Variants in PPP1R16B observed in about 807,000 individuals in gnomAD.
PPP1R16B encodes the protein protein phosphatase 1 regulatory subunit 16B.
Under a neutral mutation model 61.7 loss-of-function variants are expected in PPP1R16B, and 14 were observed. The observed-to-expected ratio is 0.23, with a 90% CI of 0.15 to 0.35. PPP1R16B has a LOEUF of 0.35. PPP1R16B is among the 10% of genes least tolerant of loss of function. The pLI, the probability that PPP1R16B is intolerant of heterozygous loss-of-function variation, is 1.00. For synonymous variants in PPP1R16B, 266 were observed against 305.3 expected (o/e 0.87, Z 1.34); for missense variants, 547 against 752.5 (o/e 0.73, Z 3.19).
At chr20:38,910,754 T>C (rs529356747) in intron 10 of PPP1R16B, among the ~76,000 whole-genome samples, 1 of 151,940 alleles carries the variant, frequency 6.6e-6, no homozygotes, top group South Asian at 2.1e-4. Flanking sequence ...TCCCAGCACT[T>C]TGGGAGGCCG....
rs770981411 is a variant in PPP1R16B at position 38,908,131 on chromosome 20, C to T, written c.1132C>T (p.Arg378Trp). The change falls in exon 10 of 11, where the codon CGG (arginine) becomes TGG (tryptophan). Residue 378 changes from arginine (R) to tryptophan (W), a missense_variant. By Grantham distance (101) the Arg-to-Trp change is moderately radical (BLOSUM62 -3). Coordinates refer to ENST00000299824, the MANE Select transcript of PPP1R16B (RefSeq NM_015568.4). ...GCAGCGGAGTGCAGCTGAGGATCAG[C>T]GGACCTCCACCTACAACGGGGACAT... ...LWQRSAAEDQ[R>W]TSTYNGDIRE... The T allele has an allele frequency of 6.2e-6, 10 of 1,614,216 alleles. No homozygotes were observed. The highest frequency in any genetic ancestry group is 4.4e-5 in the South Asian group (4 of 91,088).
intron 2 of PPP1R16B, among the ~76,000 whole-genome samples, chr20:38,856,849 T>G (rs1330456755): frequency 6.6e-6 from 1 of 152,236 alleles, no homozygotes; most frequent in East Asian, 1.9e-4. Flanking sequence ...CTCTAAGCCT[T>G]ATGCCACAGT....
intron 2 of PPP1R16B, among the ~76,000 whole-genome samples, chr20:38,869,104 C>A (rs1197515525): frequency 6.6e-6 from 1 of 151,900 alleles, no homozygotes; most frequent in Non-Finnish European, 1.5e-5. Flanking sequence ...CTATTTTTTT[C>A]CTTTTTGTCT....
Position 38,806,862 on chromosome 20 carries a change from C to T in PPP1R16B, c.-102+1070C>T, listed in dbSNP as rs1187797494. Among the ~76,000 whole-genome samples, 3 of 152,214 alleles carry T rather than the reference C, an allele frequency of 2.0e-5. No homozygotes were observed. The highest frequency in any genetic ancestry group is 1.9e-4 in the East Asian group (1 of 5,174). ...CGCTGCCGCGCGCCAGGCCTGGGTC[C>T]CGGTGCTCCCGGGCACCTCAGGAGC... On this transcript the variant is annotated intron_variant, in intron 1 of 10. Transcript: ENST00000299824. The surrounding 1 kb of genome is among the most constrained non-coding windows in gnomAD (Gnocchi z 4.5).
In PPP1R16B at chr20:38,922,557, C is replaced by G. The variant is rs2085607985; in HGVS notation, c.*3891C>G. ...ATAGCCCTCTCCCCAACAGGTCTCT[C>G]TTGTTGGCCAGAGGGCCTGCTTCCC... On this transcript the variant is annotated 3_prime_UTR_variant, in exon 11 of 11. Coordinates refer to ENST00000299824, the MANE Select transcript of PPP1R16B (RefSeq NM_015568.4). 1.3e-5 allele frequency: 2 copies of G among 152,636 alleles called. No homozygotes were observed. Among genetic ancestry groups the G allele is most frequent in the Admixed American group, 1.3e-4 (2 of 15,290 alleles). 9.5% of individuals were successfully genotyped at this position (152,636 alleles called of 1,614,324 possible).
chr20:38,884,783 A>C (rs1397727394), intron 2 of PPP1R16B, among the ~76,000 whole-genome samples: 1 of 151,798 alleles, frequency 6.6e-6, no homozygotes, highest in African/African-American at 2.4e-5. Context: ...TAAAAAAAGA[A>C]GGCGGCGGAC....
intron 4 of PPP1R16B, among the ~76,000 whole-genome samples, chr20:38,897,436 C>T (rs2085358611): frequency 6.6e-6 from 1 of 152,218 alleles, no homozygotes; most frequent in Admixed American, 6.5e-5. Context: ...GTCAGAGTTT[C>T]CTTCCTTTTT....
chr20:38,827,588 G>A (rs1412373365), intron 1 of PPP1R16B, among the ~76,000 whole-genome samples: 1 of 152,116 alleles, frequency 6.6e-6, no homozygotes, highest in African/African-American at 2.4e-5. Flanking sequence ...TGAGTTTCAC[G>A]ACTGATTTAA....
At position 38,856,936 on chromosome 20, in the gene PPP1R16B, A is replaced by G. The variant is rs923466741; in HGVS notation, c.250+20761A>G. ...ATTCACTATTTAACAGCACTTAACA[A>G]GGTCTGGTTTGGGAGTGAAAGCTCA... On this transcript the variant is annotated intron_variant, in intron 2 of 10. Transcript: ENST00000299824. 2.0e-5 allele frequency among the ~76,000 whole-genome samples: 3 copies of G among 152,300 alleles called. No individual in the cohort carries two copies. The East Asian group carries it at 5.8e-4, about 29-fold the overall frequency.
At chr20:38,852,768 T>TTGTGGG (rs1601257219) in intron 2 of PPP1R16B, among the ~76,000 whole-genome samples, 2 of 62,334 alleles carry the variant, frequency 3.2e-5, no homozygotes, top group African/African-American at 6.7e-5. Context: ...TTTTTTTTTT[T>TTGTGGG]GCGGGGGGTG....
chr20:38,861,802 G>A (rs58067470), intron 2 of PPP1R16B, among the ~76,000 whole-genome samples: 1,681 of 150,494 alleles, frequency 0.011, 41 homozygotes, highest in East Asian at 0.11. Flanking sequence ...TCGGCCTCCC[G>A]AGTAGCTGGG....
intron 1 of PPP1R16B, among the ~76,000 whole-genome samples, chr20:38,821,577 G>C (rs1483608483): frequency 6.6e-6 from 1 of 152,136 alleles, no homozygotes; most frequent in Non-Finnish European, 1.5e-5. Context: ...CCTGGCACTT[G>C]GAAGGTGCTA....
At chr20:38,807,859 G>A (rs1476737619) in intron 1 of PPP1R16B, among the ~76,000 whole-genome samples, 1 of 152,066 alleles carries the variant, frequency 6.6e-6, no homozygotes, top group Non-Finnish European at 1.5e-5. Flanking sequence ...ACACTCATTA[G>A]TGGCTCTGTG....
intron 2 of PPP1R16B, among the ~76,000 whole-genome samples, chr20:38,851,908 C>T (rs940759633): frequency 2.4e-4 from 37 of 152,204 alleles, no homozygotes; most frequent in African/African-American, 8.2e-4. Context: ...TGGTGTGGGC[C>T]TGTAGTCCTA....
At chr20:38,859,607 T>A (rs1036689541) in intron 2 of PPP1R16B, among the ~76,000 whole-genome samples, 5 of 152,222 alleles carry the variant, frequency 3.3e-5, no homozygotes, top group African/African-American at 4.8e-5. Context: ...TCTTCCCACC[T>A]CAACCTCCCA....
intron 2 of PPP1R16B, among the ~76,000 whole-genome samples, chr20:38,853,637 C>T (rs774418266): frequency 9.9e-5 from 15 of 152,236 alleles, no homozygotes; most frequent in Non-Finnish European, 1.9e-4. Flanking sequence ...TTACAAGCCA[C>T]TCTTGAAACA....
chr20:38,853,924 C>T (rs1285468541), intron 2 of PPP1R16B, among the ~76,000 whole-genome samples: 4 of 152,198 alleles, frequency 2.6e-5, no homozygotes, highest in African/African-American at 9.7e-5. Flanking sequence ...GCCTGCATCG[C>T]GCTTGCTCAT....
At chr20:38,859,001 A>C (rs1368918120) in intron 2 of PPP1R16B, among the ~76,000 whole-genome samples, 1 of 152,090 alleles carries the variant, frequency 6.6e-6, no homozygotes, top group Non-Finnish European at 1.5e-5. Flanking sequence ...TTCTTGGATG[A>C]TGTCTCAGAG....
chr20:38,812,208 C>T (rs1252090786), intron 1 of PPP1R16B, among the ~76,000 whole-genome samples: 1 of 152,182 alleles, frequency 6.6e-6, no homozygotes, highest in Non-Finnish European at 1.5e-5. Context: ...TGAATTGTTC[C>T]TGCCATCACC....
Sources: allele counts gnomAD v4.1 joint callset (sites outside exome capture counted in the v4.1 genomes callset), GRCh38; gene constraint gnomAD v4.1.1; non-coding constraint Gnocchi (gnomAD v3.1); transcripts MANE v1.5; gene names NCBI Gene and HGNC (gene_info 2026-07-23, HGNC 2026-07-21).